LRP1B: variants seen among roughly 807,000 people sequenced by gnomAD.
LRP1B encodes LDL receptor related protein 1B, also known as low-density lipoprotein receptor-related protein 1B.
In LRP1B, 217 loss-of-function variants were observed where a neutral mutation model predicts 556.6. The observed-to-expected ratio is 0.39, with a 90% CI of 0.35 to 0.44. The LOEUF (loss-of-function observed/expected upper bound fraction) is 0.44, where lower values mean the gene tolerates loss of function less well. Among genes scored for constraint, LRP1B ranks in the 20% least tolerant of loss-of-function variants. The pLI is 1.00. For missense variants in LRP1B, 5,053 were observed against 5,620.8 expected (o/e 0.90, Z 3.23); for synonymous variants, 2,047 against 1,865.8 (o/e 1.10, Z -2.50).
At position 141,355,159 on chromosome 2, in the gene LRP1B, T is replaced by A. The variant is rs1688580530; in HGVS notation, c.344-100518A>T. Among the ~76,000 whole-genome samples the A allele has an allele frequency of 3.3e-5, 5 of 152,114 alleles. 1 individual carries two copies. The highest frequency in any genetic ancestry group is 3.3e-4 in the Admixed American group (5 of 15,276). On this transcript the variant is annotated intron_variant, in intron 3 of 90. Coordinates refer to ENST00000389484, the MANE Select transcript of LRP1B (RefSeq NM_018557.3). ...AAAATATCACCATGTACTAAGTGAA[T>A]TGAACAGAAAAAAAATCAGTTTTGT...
At chr2:141,170,515 C>T (rs1680456431) in intron 7 of LRP1B, among the ~76,000 whole-genome samples, 1 of 152,050 alleles carries the variant, frequency 6.6e-6, no homozygotes, top group East Asian at 1.9e-4. Context: ...CCATTAGAAG[C>T]TGTTTTGTAT....
chr2:141,114,751 C>T (rs1398670477), intron 7 of LRP1B, among the ~76,000 whole-genome samples: 1 of 152,078 alleles, frequency 6.6e-6, no homozygotes, highest in Non-Finnish European at 1.5e-5. Flanking sequence ...GAACTGCCCT[C>T]TTCTACCCAG....
At chr2:141,139,125 G>GATCTCTT (rs1701566316) in intron 7 of LRP1B, among the ~76,000 whole-genome samples, 1 of 151,608 alleles carries the variant, frequency 6.6e-6, no homozygotes, top group African/African-American at 2.4e-5. Flanking sequence ...AAATGGTGCT[G>GATCTCTT]GAAAAATTAG....
chr2:141,818,777 C>G (rs1434942317), intron 1 of LRP1B, among the ~76,000 whole-genome samples: 1 of 151,098 alleles, frequency 6.6e-6, no homozygotes, highest in Admixed American at 6.6e-5. Context: ...ACCTCGTGAT[C>G]TGCCCGCCTT....
chr2:140,794,777 C>A (rs974766754), intron 32 of LRP1B, among the ~76,000 whole-genome samples: 10 of 151,934 alleles, frequency 6.6e-5, no homozygotes, highest in Non-Finnish European at 1.2e-4. Flanking sequence ...CTACGCCCAG[C>A]TAATTTTGTA....
At chr2:140,627,836 G>A (rs939382086) in intron 41 of LRP1B, among the ~76,000 whole-genome samples, 7 of 152,124 alleles carry the variant, frequency 4.6e-5, no homozygotes, top group African/African-American at 1.7e-4. Flanking sequence ...TTTCAACAAC[G>A]TTTTATAAGA....
At chr2:140,596,852 G>A (rs1037050167) in intron 43 of LRP1B, among the ~76,000 whole-genome samples, 5 of 152,022 alleles carry the variant, frequency 3.3e-5, no homozygotes, top group African/African-American at 1.2e-4. Context: ...TGCCTTCCAC[G>A]GGGAGGGCTA....
chr2:141,584,016 G>A (rs1019343387), intron 2 of LRP1B, among the ~76,000 whole-genome samples: 3 of 151,704 alleles, frequency 2.0e-5, no homozygotes, highest in Admixed American at 6.6e-5. Context: ...TGTGGCAGCC[G>A]GCAAATAACT....
At chr2:140,758,736 T>C (rs2104910525) in intron 35 of LRP1B, among the ~76,000 whole-genome samples, 1 of 152,074 alleles carries the variant, frequency 6.6e-6, no homozygotes, top group East Asian at 1.9e-4. Context: ...GCTCAAAATA[T>C]CAGTTGCTTT....
At chr2:141,699,250 A>C (rs553413615) in intron 2 of LRP1B, among the ~76,000 whole-genome samples, 2 of 152,000 alleles carry the variant, frequency 1.3e-5, no homozygotes, top group South Asian at 4.1e-4. Flanking sequence ...TTGGGTCCCC[A>C]GTAGTGTTTT....
rs70991113 is a variant in LRP1B at position 140,872,388 on chromosome 2, T to TTTTA, written c.4170-4126_4170-4125insTAAA. ...TTTTTTTTTTTTTTTTTTTTTTTTTTACTAAAGTAGCTATTGCAACAGAGG... is the reference window on the plus strand; with the variant it reads ...TTTTTTTTTTTTTTTTTTTTTTTTTTTTTAACTAAAGTAGCTATTGCAACAGAGG... On this transcript the variant is annotated intron_variant, in intron 25 of 90. Transcript: ENST00000389484. Among the ~76,000 whole-genome samples the TTTTA allele has an allele frequency of 1.3e-3, 171 of 132,246 alleles. 4 individuals are homozygous for TTTTA. Among genetic ancestry groups the TTTTA allele is most frequent in the African/African-American group, 4.4e-3 (165 of 37,390 alleles). 86.8% of individuals were successfully genotyped at this position (132,246 alleles called of 152,430 possible).
intron 1 of LRP1B, among the ~76,000 whole-genome samples, chr2:141,921,159 A>G (rs984817291): frequency 6.6e-6 from 1 of 152,064 alleles, no homozygotes; most frequent in Non-Finnish European, 1.5e-5. Context: ...ACAATTTCTC[A>G]TCCTTGTAAG....
chr2:140,721,240 G>T (rs1463266936), intron 35 of LRP1B, among the ~76,000 whole-genome samples: 1 of 151,892 alleles, frequency 6.6e-6, no homozygotes, highest in Non-Finnish European at 1.5e-5. Context: ...TGTAGTTTTT[G>T]TTCACTTTAA....
At chr2:141,218,258 A>G (rs974211606) in intron 6 of LRP1B, among the ~76,000 whole-genome samples, 2 of 152,230 alleles carry the variant, frequency 1.3e-5, no homozygotes, top group Non-Finnish European at 2.9e-5. Context: ...CAGAATTACT[A>G]TTCAACCTAG....
intron 2 of LRP1B, among the ~76,000 whole-genome samples, chr2:141,483,140 G>A (rs371218704): frequency 3.1e-5 from 4 of 127,528 alleles, no homozygotes; most frequent in African/African-American, 9.3e-5. Context: ...AGTCCCTGGA[G>A]TGTGATGTTC....
intron 24 of LRP1B, among the ~76,000 whole-genome samples, chr2:140,885,766 T>G (rs1207315111): frequency 6.6e-6 from 1 of 150,968 alleles, no homozygotes; most frequent in Non-Finnish European, 1.5e-5. Context: ...TTTCTTCATT[T>G]TTTTGAATTA....
intron 7 of LRP1B, among the ~76,000 whole-genome samples, chr2:141,105,056 A>T (rs4133302): frequency 0.28 from 43,029 of 151,904 alleles, 6,548 homozygotes; most frequent in East Asian, 0.65. Flanking sequence ...GCTTAGCATG[A>T]TGACTGTATT....
At chr2:140,340,582 A>G (rs1040634007) in intron 77 of LRP1B, among the ~76,000 whole-genome samples, 9 of 151,622 alleles carry the variant, frequency 5.9e-5, no homozygotes, top group Non-Finnish European at 8.9e-5. Context: ...TTAAACATGC[A>G]TAACATTCGA....
At chr2:140,652,272 T>A (rs1574195344) in intron 41 of LRP1B, among the ~76,000 whole-genome samples, 1 of 151,900 alleles carries the variant, frequency 6.6e-6, no homozygotes, top group Non-Finnish European at 1.5e-5. Flanking sequence ...GACATCTAGA[T>A]AAATTCACAG....
Sources: gnomAD v4.1 joint callset for allele counts (sites outside exome capture counted in the v4.1 genomes callset) on GRCh38, gnomAD v4.1.1 for gene constraint, MANE v1.5 for transcripts, NCBI Gene and HGNC (gene_info 2026-07-23, HGNC 2026-07-21) for gene names.